Variants in OLFML2B observed in about 807,000 individuals in gnomAD.
OLFML2B encodes olfactomedin like 2B.
Under a neutral mutation model 74.9 loss-of-function variants are expected in OLFML2B, and 57 were observed. The ratio of observed to expected loss-of-function variants is 0.76; its 90% CI spans 0.61 to 0.95. The LOEUF (loss-of-function observed/expected upper bound fraction) is 0.95, where lower values mean the gene tolerates loss of function less well. Among genes scored for constraint, OLFML2B ranks in the 40% least tolerant of loss-of-function variants. The pLI, the probability that OLFML2B is intolerant of heterozygous loss-of-function variation, is 0.00. For missense variants in OLFML2B, 986 were observed against 970.6 expected (o/e 1.02, Z -0.21); for synonymous variants, 388 against 405.8 (o/e 0.96, Z 0.53).
chr1:162,022,320 C>T (rs1046851898), intron 1 of OLFML2B, among the ~76,000 whole-genome samples: 12 of 135,708 alleles, frequency 8.8e-5, no homozygotes, highest in Middle Eastern at 0.01. Flanking sequence ...GCGCGATCTC[C>T]GCTTACTGCA....
intron 4 of OLFML2B, among the ~76,000 whole-genome samples, chr1:162,001,014 G>A (rs1690067888): frequency 1.3e-5 from 2 of 152,130 alleles, no homozygotes; most frequent in South Asian, 4.2e-4. Context: ...CCAGTCACTT[G>A]GCTGACTACT....
chr1:161,999,285 C>T (rs1202140516), intron 5 of OLFML2B, among the ~76,000 whole-genome samples: 2 of 151,952 alleles, frequency 1.3e-5, no homozygotes, highest in Non-Finnish European at 2.9e-5. Flanking sequence ...AAATGCATGC[C>T]ATAGGTAGGG....
At chr1:161,999,137 G>A (rs184259376) in intron 5 of OLFML2B, among the ~76,000 whole-genome samples, 1 of 152,176 alleles carries the variant, frequency 6.6e-6, no homozygotes, top group Non-Finnish European at 1.5e-5. Flanking sequence ...AAATGGGGGA[G>A]GCTGCAGGAT....
intron 6 of OLFML2B, among the ~76,000 whole-genome samples, chr1:161,988,362 T>A (rs1025677023): frequency 6.6e-6 from 1 of 152,168 alleles, no homozygotes; most frequent in African/African-American, 2.4e-5. Context: ...TCCCCAGCTC[T>A]CAGCTCTGGT....
At chr1:162,006,669 G>T (rs1278467325) in intron 3 of OLFML2B, among the ~76,000 whole-genome samples, 196 bp from the exon 4 acceptor site, 1 of 152,126 alleles carries the variant, frequency 6.6e-6, no homozygotes, top group African/African-American at 2.4e-5. Context: ...TATTTCCAGG[G>T]CAGCTCAGCG....
rs542120649 is a variant in OLFML2B at position 162,012,882 on chromosome 1, T to C, written c.546+4518A>G. The stretch of plus-strand genomic sequence containing the variant: ...CAACTAAAGCCTTGATGCTAGAAGA[T>C]TATTATAATGATCTGTCCCTCTGTT... On this transcript the variant is annotated intron_variant, in intron 3 of 7. Transcript: ENST00000294794. 1.1e-4 allele frequency among the ~76,000 whole-genome samples: 17 copies of C among 152,344 alleles called. No individual in the cohort carries two copies. In the South Asian group the frequency reaches 3.5e-3, roughly 32 times the overall value.
intron 1 of OLFML2B, among the ~76,000 whole-genome samples, chr1:162,020,407 C>T (rs767830136): frequency 2.0e-5 from 3 of 152,218 alleles, no homozygotes; most frequent in Non-Finnish European, 4.4e-5. Context: ...AAAGCTGTGC[C>T]TTTCTCATGG....
Position 162,023,307 on chromosome 1 carries a change from C to G in OLFML2B, c.124G>C (p.Asp42His). 1 of 1,600,982 alleles carries G rather than the reference C, an allele frequency of 6.2e-7. No homozygotes were observed. The highest frequency in any genetic ancestry group is 8.5e-7 in the Non-Finnish European group (1 of 1,171,942). Residue 42 changes from aspartate to histidine, a missense_variant, in exon 1 of 8, where the codon GAC becomes CAC. Coordinates refer to ENST00000294794, the MANE Select transcript of OLFML2B (RefSeq NM_015441.3). ...PDAQTVAPAE[D>H]ETLQNEADNQ... ...TCCGCCTCGTTTTGCAGAGTCTCGT[C>G]CTCCGCAGGCGCCACTGTCTGCGCA...
intron 4 of OLFML2B, among the ~76,000 whole-genome samples, chr1:162,003,832 T>C (rs1161297142): frequency 6.6e-6 from 1 of 152,152 alleles, no homozygotes; most frequent in Non-Finnish European, 1.5e-5. Context: ...TTCCACCCGC[T>C]TTTTGGCATG....
chr1:162,019,996 G>A lies in OLFML2B; in HGVS notation c.361C>T (p.Pro121Ser). 2 of 1,614,198 alleles carry A rather than the reference G, an allele frequency of 1.2e-6. No individual in the cohort carries two copies. The highest frequency in any genetic ancestry group is 1.7e-6 in the Non-Finnish European group (2 of 1,180,024). Residue 121 changes from proline to serine, a missense_variant, in exon 2 of 8, where the codon CCC becomes TCC. By Grantham distance (74) the Pro-to-Ser change is moderately conservative. Coordinates refer to ENST00000294794, the MANE Select transcript of OLFML2B (RefSeq NM_015441.3). ...TCGCAGGGATTGAGGGCCGATGGGG[G>A]TGCTACACAGGCACACTTGCACGAC... is the stretch of plus-strand genomic sequence containing the variant. ...GSSCKCACVA[P>S]PSALNPCEGD...
intron 6 of OLFML2B, among the ~76,000 whole-genome samples, chr1:161,994,777 A>G (rs1409960120): frequency 1.7e-5 from 2 of 116,298 alleles, no homozygotes; most frequent in East Asian, 5.1e-4. Flanking sequence ...ATTCTAATTT[A>G]CTTGTTTTTG....
At chr1:162,010,097 T>C (rs1479879250) in intron 3 of OLFML2B, among the ~76,000 whole-genome samples, 1 of 152,058 alleles carries the variant, frequency 6.6e-6, no homozygotes, top group Admixed American at 6.6e-5. Context: ...CTGCCAAGGA[T>C]CCTGGCACAC....
intron 3 of OLFML2B, among the ~76,000 whole-genome samples, chr1:162,014,749 G>C (rs988481203): frequency 1.3e-5 from 2 of 152,224 alleles, no homozygotes; most frequent in African/African-American, 4.8e-5. Context: ...CCCATCTGAA[G>C]ACTACTGTCA....
intron 6 of OLFML2B, among the ~76,000 whole-genome samples, chr1:161,991,940 T>G (rs1689754732): frequency 6.6e-6 from 1 of 152,210 alleles, no homozygotes; most frequent in Non-Finnish European, 1.5e-5. Flanking sequence ...AGTCACCAGC[T>G]GCATTAGCCC....
chr1:162,005,695 C>A (rs1326413499), intron 4 of OLFML2B, among the ~76,000 whole-genome samples: 1 of 151,940 alleles, frequency 6.6e-6, no homozygotes, highest in African/African-American at 2.4e-5. Context: ...AGTTCCAGAC[C>A]AGCCGCATTT....
intron 6 of OLFML2B, among the ~76,000 whole-genome samples, chr1:161,985,603 G>A (rs1045245426): frequency 6.6e-6 from 1 of 152,142 alleles, no homozygotes; most frequent in African/African-American, 2.4e-5. Flanking sequence ...CCAGGAACTC[G>A]GCTCTGCCAG....
At position 162,023,460 on chromosome 1, in the gene OLFML2B, C is replaced by T. The variant is rs1302591079; in HGVS notation, c.-30G>A. ...GGCGCGATAAGAGTGTCCTCAGCCC[C>T]TTCAGAGAATGGCTGGGGCGGGGGG... is the stretch of plus-strand genomic sequence containing the variant. On this transcript the variant is annotated 5_prime_UTR_variant, in exon 1 of 8. Coordinates refer to ENST00000294794, the MANE Select transcript of OLFML2B (RefSeq NM_015441.3). 1.4e-6 allele frequency: 2 copies of T among 1,440,294 alleles called. No individual in the cohort carries two copies. Among genetic ancestry groups the T allele is most frequent in the Non-Finnish European group, 1.8e-6 (2 of 1,086,076 alleles). The allele number at this position is 1,440,294 out of a possible 1,614,324, so 89.2% of individuals were successfully genotyped here. A position where few individuals can be genotyped will look rare whatever the true frequency, so the allele number is the denominator to read the frequency against.
chr1:162,020,399 A>G (rs1261579097), intron 1 of OLFML2B, among the ~76,000 whole-genome samples: 1 of 152,232 alleles, frequency 6.6e-6, no homozygotes, highest in African/African-American at 2.4e-5. Flanking sequence ...TGTCTTGGAA[A>G]GCTGTGCCTT....
intron 6 of OLFML2B, among the ~76,000 whole-genome samples, chr1:161,996,564 A>G (rs1421867007): frequency 1.3e-5 from 2 of 152,236 alleles, no homozygotes; most frequent in Non-Finnish European, 2.9e-5. Context: ...CTGTCAAATC[A>G]AGTGTATTTT....
Sources: gnomAD v4.1 joint callset for allele counts (sites outside exome capture counted in the v4.1 genomes callset) on GRCh38, gnomAD v4.1.1 for gene constraint, MANE v1.5 for transcripts, NCBI Gene and HGNC (gene_info 2026-07-23, HGNC 2026-07-21) for gene names.